Variants in KCNT2 observed in about 807,000 individuals in gnomAD.
KCNT2 encodes potassium channel subfamily T member 2.
In KCNT2, 67 loss-of-function variants were observed where a neutral mutation model predicts 153.8. The observed-to-expected ratio is 0.44, with a 90% CI of 0.36 to 0.53. KCNT2 has a LOEUF of 0.53. KCNT2 is among the 20% of genes least tolerant of loss of function. The pLI, the probability that KCNT2 is intolerant of heterozygous loss-of-function variation, is 0.00. For missense variants in KCNT2, 975 were observed against 1,354.8 expected (o/e 0.72, Z 4.40); for synonymous variants, 500 against 458.8 (o/e 1.09, Z -1.15).
intron 1 of KCNT2, among the ~76,000 whole-genome samples, chr1:196,515,116 T>C (rs557567934): frequency 3.3e-5 from 5 of 152,336 alleles, no homozygotes; most frequent in African/African-American, 1.2e-4. Flanking sequence ...TGATTTCCGA[T>C]AATGATGGAA....
intron 25 of KCNT2, 184 bp from the exon 26 acceptor site, chr1:196,258,678 T>G: frequency 1.5e-6 from 1 of 658,322 alleles, no homozygotes; most frequent in Non-Finnish European, 2.7e-6. Flanking sequence ...TATGTTTCCT[T>G]GAACGTACAT....
chr1:196,506,322 T>A (rs1196045050), intron 1 of KCNT2, among the ~76,000 whole-genome samples: 1 of 152,168 alleles, frequency 6.6e-6, no homozygotes, highest in East Asian at 1.9e-4. Context: ...ATAACTTTTA[T>A]AGTGTGTTGA....
intron 26 of KCNT2, chr1:196,257,823 A>G: frequency 1.0e-6 from 1 of 985,184 alleles, no homozygotes; most frequent in Non-Finnish European, 1.2e-6. Flanking sequence ...TTACTTGTCA[A>G]TGCCTCAAAT....
chr1:196,583,319 A>C lies in KCNT2; in HGVS notation c.95+24896T>G, dbSNP rs539131376. Among the ~76,000 whole-genome samples, 6 of 152,218 alleles carry C rather than the reference A, an allele frequency of 3.9e-5. No homozygotes were observed. In the South Asian group the frequency reaches 8.3e-4, roughly 21 times the overall value. On this transcript the variant is annotated intron_variant, in intron 1 of 27. Transcript: ENST00000294725. ...TGGTTGCATGTTGGTACCATATTTA[A>C]ACACAAAAAATACCAGAGGGTAAAT... is the stretch of plus-strand genomic sequence containing the variant.
At position 196,542,024 on chromosome 1, in the gene KCNT2, G is replaced by A. The variant is rs373918003; in HGVS notation, c.96-49683C>T. ...ATAATTTACAAAATGAAATATACAA[G>A]AGCATTTATAATTTTAAAAATAATT... On this transcript the variant is annotated intron_variant, in intron 1 of 27. Transcript: ENST00000294725. Among the ~76,000 whole-genome samples, 5 of 151,678 alleles carry A rather than the reference G, an allele frequency of 3.3e-5. No homozygotes were observed. The East Asian group carries it at 9.7e-4, about 29-fold the overall frequency.
At chr1:196,390,087 C>G (rs1670340180) in intron 13 of KCNT2, among the ~76,000 whole-genome samples, 1 of 151,282 alleles carries the variant, frequency 6.6e-6, no homozygotes, top group Non-Finnish European at 1.5e-5. Context: ...TTCTGTGTCA[C>G]TCTCTCCTCT....
intron 8 of KCNT2, among the ~76,000 whole-genome samples, chr1:196,444,636 T>C (rs1030611629): frequency 1.3e-5 from 2 of 151,282 alleles, no homozygotes; most frequent in African/African-American, 4.8e-5. Flanking sequence ...GCATTTCGAG[T>C]AGGGCAAATG....
chr1:196,304,400 C>T (rs1277341104), intron 22 of KCNT2, among the ~76,000 whole-genome samples: 1 of 152,150 alleles, frequency 6.6e-6, no homozygotes, highest in Admixed American at 6.5e-5. Context: ...GCCACCCAGG[C>T]TGGAGTGCAC....
chr1:196,394,742 A>G (rs1365703538), intron 13 of KCNT2, among the ~76,000 whole-genome samples: 1 of 151,540 alleles, frequency 6.6e-6, no homozygotes, highest in Non-Finnish European at 1.5e-5. Flanking sequence ...ATTTGATGAT[A>G]CATGGACAAT....
At chr1:196,604,545 G>A (rs1038554780) in intron 1 of KCNT2, among the ~76,000 whole-genome samples, 8 of 152,022 alleles carry the variant, frequency 5.3e-5, no homozygotes, top group African/African-American at 1.9e-4. Flanking sequence ...TTATTTCATG[G>A]CCTCACAGAA....
chr1:196,256,699 T>A (rs1054657882), intron 26 of KCNT2, among the ~76,000 whole-genome samples: 2 of 148,818 alleles, frequency 1.3e-5, no homozygotes, highest in African/African-American at 2.5e-5. Flanking sequence ...TCACAGGTGA[T>A]TATCATGGAA....
intron 6 of KCNT2, among the ~76,000 whole-genome samples, chr1:196,468,353 C>T (rs566399275): frequency 7.2e-5 from 11 of 152,144 alleles, no homozygotes; most frequent in African/African-American, 2.6e-4. Flanking sequence ...TCAAAATCCT[C>T]CAAATAAAAT....
At position 196,363,914 on chromosome 1, in the gene KCNT2, G is replaced by A. The variant is rs1264341892; in HGVS notation, c.1403+9226C>T. On this transcript the variant is annotated intron_variant, in intron 14 of 27. Transcript: ENST00000294725. ...ATATATACTAGCAAACATACATAGA[G>A]GCACATCTGTATTTCTGTATCTATC... Among the ~76,000 whole-genome samples, 10 of 152,182 alleles carry A rather than the reference G, an allele frequency of 6.6e-5. No homozygotes were observed. The East Asian group carries it at 1.9e-3, about 29-fold the overall frequency.
chr1:196,385,515 T>TA (rs1210992683), intron 13 of KCNT2, among the ~76,000 whole-genome samples: 1 of 151,784 alleles, frequency 6.6e-6, no homozygotes, highest in Non-Finnish European at 1.5e-5. Context: ...TTTCAGAATA[T>TA]AAAAAATCCC....
chr1:196,365,746 C>A (rs12087303), intron 14 of KCNT2, among the ~76,000 whole-genome samples: 1 of 152,156 alleles, frequency 6.6e-6, no homozygotes, highest in Non-Finnish European at 1.5e-5. Context: ...TTCTTCTACT[C>A]CATCACAAAT....
At chr1:196,572,664 T>C (rs901793806) in intron 1 of KCNT2, among the ~76,000 whole-genome samples, 3 of 152,070 alleles carry the variant, frequency 2.0e-5, no homozygotes, top group African/African-American at 7.2e-5. Context: ...ATTGAAAAGT[T>C]GCTATATTTT....
In KCNT2 at chr1:196,489,881, T is replaced by C. The variant is rs750888162; in HGVS notation, c.232A>G (p.Ile78Val). Residue 78 changes from isoleucine (I) to valine (V), a missense_variant, in exon 3 of 28, where the codon ATA (isoleucine) becomes GTA (valine). Physicochemically the swap from Ile to Val is conservative, Grantham distance 29. Around this residue, in one of 6 missense-constraint regions of KCNT2, gnomAD observed 140 missense variants for 216.0 expected, o/e 0.65. Transcript: ENST00000294725. ...GGGTTTTCTAGTAGTACTCGGATTA[T>C]GTATAATAAGCAGCTTAGTAATTTG... Reference protein sequence around the residue: ...SLKLLSCLLYIIRVLLENPSQ... With the variant: ...SLKLLSCLLYVIRVLLENPSQ... 7 of 1,593,182 alleles carry C rather than the reference T, an allele frequency of 4.4e-6. No homozygotes were observed. The Admixed American group carries it at 1.1e-4, about 24-fold the overall frequency.
rs374268542 is a variant in KCNT2, at chr1:196,231,709, A to G, written c.3297-3374T>C. ...GATGTTTCTGATGTGCTTAGAAATG[A>G]TTTGACTTTAGAAAACTAGTAAATC... is the stretch of plus-strand genomic sequence containing the variant. On this transcript the variant is annotated intron_variant, in intron 27 of 27. Coordinates refer to ENST00000294725, the MANE Select transcript of KCNT2 (RefSeq NM_198503.5). 2.0e-5 allele frequency among the ~76,000 whole-genome samples: 3 copies of G among 151,930 alleles called. No individual in the cohort carries two copies. The East Asian group carries it at 5.8e-4, about 29-fold the overall frequency.
intron 1 of KCNT2, among the ~76,000 whole-genome samples, chr1:196,589,471 G>C (rs1017792682): frequency 6.6e-6 from 1 of 151,956 alleles, no homozygotes; most frequent in Non-Finnish European, 1.5e-5. Flanking sequence ...TAGTTTATTA[G>C]CAAATAAATT....
Sources: allele counts gnomAD v4.1 joint callset (sites outside exome capture counted in the v4.1 genomes callset), GRCh38; gene constraint gnomAD v4.1.1; regional missense constraint gnomAD v4.1.1; transcripts MANE v1.5; gene names NCBI Gene and HGNC (gene_info 2026-07-23, HGNC 2026-07-21).